Variants in GPC6 observed in about 807,000 individuals in gnomAD.
The protein encoded by GPC6 is glypican-6.
GPC6 carries 14 observed loss-of-function variants against 55.2 expected under a neutral mutation model. That is an observed-to-expected ratio of 0.25 (90% CI 0.17 to 0.40). The LOEUF is 0.40. Among genes scored for constraint, GPC6 ranks in the 10% least tolerant of loss-of-function variants. The probability of loss-of-function intolerance (pLI) is 1.00; values close to 1 mark genes in which losing one functional copy is unlikely to be tolerated. For synonymous variants in GPC6, 278 were observed against 259.6 expected, an observed-to-expected ratio of 1.07 and a Z score of -0.68; for missense variants, 641 against 708.5, an observed-to-expected ratio of 0.90 and a Z score of 1.08.
intron 1 of GPC6, among the ~76,000 whole-genome samples, chr13:93,393,127 T>TATATAGAGAGAGAGAG (rs1230857277): frequency 1.1e-5 from 1 of 87,612 alleles, no homozygotes; most frequent in East Asian, 3.3e-4. Context: ...TATATATATA[T>TATATAGAGAGAGAGAG]AGAGAGAGAG....
chr13:93,680,282 A>G (rs12873845), intron 2 of GPC6, among the ~76,000 whole-genome samples: 28,656 of 152,052 alleles, frequency 0.19, 3,498 homozygotes, highest in Admixed American at 0.26. Flanking sequence ...AGCCAAGGAG[A>G]GGGTCCTGGA....
At chr13:93,401,194 G>GTT (rs1461602890) in intron 1 of GPC6, among the ~76,000 whole-genome samples, 1 of 109,582 alleles carries the variant, frequency 9.1e-6, no homozygotes, top group Admixed American at 9.0e-5. Context: ...GTGTGTGTGT[G>GTT]TGTGTTTGAC....
In GPC6 at chr13:93,695,322, A is replaced by G. The variant is rs568071101; in HGVS notation, c.320-134832A>G. Reference sequence around the variant, plus strand: ...ATTGACAGCAGTAGGTATAATGCAAATAACAATATTCCAACATGTTATTTT... The same window carrying G: ...ATTGACAGCAGTAGGTATAATGCAAGTAACAATATTCCAACATGTTATTTT... On this transcript the variant is annotated intron_variant, in intron 2 of 8. Transcript: ENST00000377047. 3.3e-5 allele frequency among the ~76,000 whole-genome samples: 5 copies of G among 152,208 alleles called. No individual in the cohort carries two copies. The East Asian group carries it at 5.8e-4, about 18-fold the overall frequency.
intron 2 of GPC6, among the ~76,000 whole-genome samples, chr13:93,649,113 A>G (rs1041336325): frequency 2.6e-5 from 4 of 152,166 alleles, no homozygotes; most frequent in Non-Finnish European, 4.4e-5. Flanking sequence ...TGCCATTTTT[A>G]TAGGTAAAAA....
intron 1 of GPC6, among the ~76,000 whole-genome samples, chr13:93,325,908 G>T (rs1879636556): frequency 6.6e-6 from 1 of 152,118 alleles, no homozygotes; most frequent in South Asian, 2.1e-4. Context: ...GGCCCTGCCT[G>T]CATGGTTACC....
rs1475898639 is a variant in GPC6, at chr13:94,399,389, C to T, written c.1465+748C>T. 1.3e-5 allele frequency among the ~76,000 whole-genome samples: 2 copies of T among 152,166 alleles called. 1 individual carries two copies. The highest frequency in any genetic ancestry group is 6.3e-3 in the Middle Eastern group (2 of 316). On this transcript the variant is annotated intron_variant, in intron 8 of 8. Coordinates refer to ENST00000377047, the MANE Select transcript of GPC6 (RefSeq NM_005708.5). ...CTATTAAGTGAACATTGACATGAAACTATATATGGGTTTTGTCTGAGTAGT... is the reference window on the plus strand; with the variant it reads ...CTATTAAGTGAACATTGACATGAAATTATATATGGGTTTTGTCTGAGTAGT...
At chr13:93,766,761 A>G (rs532049877) in intron 2 of GPC6, among the ~76,000 whole-genome samples, 6 of 152,234 alleles carry the variant, frequency 3.9e-5, no homozygotes, top group African/African-American at 1.4e-4. Context: ...CATCTTGTTG[A>G]AACAGTCCCG....
At chr13:93,521,825 T>C (rs896236712) in intron 1 of GPC6, among the ~76,000 whole-genome samples, 12 of 152,108 alleles carry the variant, frequency 7.9e-5, no homozygotes, top group Admixed American at 7.9e-4. Flanking sequence ...TAGCTTTTAA[T>C]GATGGGAAAA....
chr13:93,265,105 T>C (rs115901139), intron 1 of GPC6, among the ~76,000 whole-genome samples: 77 of 152,320 alleles, frequency 5.1e-4, no homozygotes, highest in African/African-American at 1.8e-3. Flanking sequence ...GCTTAAATGC[T>C]GATGCATTTC....
intron 2 of GPC6, among the ~76,000 whole-genome samples, chr13:93,712,351 T>C (rs1329346929): frequency 2.0e-5 from 3 of 151,734 alleles, no homozygotes; most frequent in East Asian, 2.0e-4. Context: ...TATAAAACAT[T>C]GAACCCCAAA....
intron 4 of GPC6, among the ~76,000 whole-genome samples, chr13:94,269,060 A>T (rs1363940597): frequency 1.3e-5 from 2 of 152,192 alleles, no homozygotes; most frequent in East Asian, 3.8e-4. Flanking sequence ...AATGAGGCGA[A>T]GAATAACATC....
intron 4 of GPC6, among the ~76,000 whole-genome samples, chr13:94,089,510 G>A (rs1885405089): frequency 2.6e-5 from 4 of 152,144 alleles, no homozygotes; most frequent in Admixed American, 2.0e-4. Context: ...GCTCTTCTGA[G>A]ATACCTGGAC....
chr13:93,830,474 G>A lies in GPC6; in HGVS notation c.640G>A (p.Ala214Thr), dbSNP rs756656699. The change falls in exon 3 of 9, where the codon GCC (alanine) becomes ACC (threonine). Residue 214 changes from alanine to threonine, a missense_variant. Transcript: ENST00000377047. ...GAAACTGAAGATTCAGGTTACCCGC[G>A]CCTTCATTGCTGCCAGGACCTTTGT... The part of the protein sequence containing the change: ...PRKLKIQVTR[A>T]FIAARTFVQG... The A allele has an allele frequency of 4.3e-6, 7 of 1,613,588 alleles. No homozygotes were observed. Among genetic ancestry groups the A allele is most frequent in the African/African-American group, 2.7e-5 (2 of 74,880 alleles).
intron 1 of GPC6, among the ~76,000 whole-genome samples, chr13:93,486,650 G>A (rs1400813172): frequency 1.3e-5 from 2 of 152,134 alleles, no homozygotes; most frequent in African/African-American, 2.4e-5. Flanking sequence ...ACTCCATAGT[G>A]TAAGAGACCA....
chr13:94,402,901 C>T, intron 8 of GPC6, 114 bp from the exon 9 acceptor site: 1 of 847,566 alleles, frequency 1.2e-6, no homozygotes, highest in Non-Finnish European at 2.0e-6. Flanking sequence ...CACATGGCCT[C>T]TCCCCTGACA....
intron 3 of GPC6, among the ~76,000 whole-genome samples, chr13:93,917,677 C>G (rs1194140364): frequency 2.6e-5 from 4 of 152,158 alleles, no homozygotes; most frequent in Non-Finnish European, 2.9e-5. Context: ...ACAGTGAAAC[C>G]TTGAGAAGCA....
At chr13:94,306,273 A>G in intron 6 of GPC6, 150 bp downstream of exon 6, 1 of 798,250 alleles carries the variant, frequency 1.3e-6, no homozygotes, top group Admixed American at 2.0e-5. Flanking sequence ...TTGAAAAGTA[A>G]TGGGATCTTT....
rs114510153 is a variant in GPC6 at position 94,230,534 on chromosome 13, A to C, written c.878-55815A>C. ...CTCTCCTCACACTCTAGCATTCTCC[A>C]AGTGATACCTGGACCATCAAGCCAG... On this transcript the variant is annotated intron_variant, in intron 4 of 8. Coordinates refer to ENST00000377047, the MANE Select transcript of GPC6 (RefSeq NM_005708.5). Among the ~76,000 whole-genome samples, 1,038 of 152,168 alleles carry C rather than the reference A, an allele frequency of 6.8e-3. 17 individuals are homozygous for C. Among genetic ancestry groups the C allele is most frequent in the African/African-American group, 0.024 (983 of 41,528 alleles).
Position 94,306,714 on chromosome 13 carries a change from G to A in GPC6, c.1152+591G>A, listed in dbSNP as rs142727182. ...ATCATCAAAGCAGTTTATAATACTC[G>A]GAAAATACAACCATAAACATAGTAA... On this transcript the variant is annotated intron_variant, in intron 6 of 8. Transcript: ENST00000377047. Among the ~76,000 whole-genome samples the A allele has an allele frequency of 8.0e-3, 1,211 of 151,940 alleles. 3 individuals carry two copies. Among genetic ancestry groups the A allele is most frequent in the Non-Finnish European group, 0.012 (832 of 67,974 alleles).
Sources: gnomAD v4.1 joint callset for allele counts (sites outside exome capture counted in the v4.1 genomes callset) on GRCh38, gnomAD v4.1.1 for gene constraint, MANE v1.5 for transcripts, NCBI Gene and HGNC (gene_info 2026-07-23, HGNC 2026-07-21) for gene names.